The following DDX60L variants were observed in gnomAD, a reference collection of about 807,000 sequenced individuals.
The protein encoded by DDX60L is DExD/H-box 60 like, also known as probable ATP-dependent RNA helicase DDX60-like.
In DDX60L, 191 loss-of-function variants were observed where a neutral mutation model predicts 211.6. The observed-to-expected ratio is 0.90, with a 90% CI of 0.80 to 1.02. The LOEUF is 1.02. Ranked by LOEUF, DDX60L falls within the 50% of genes least tolerant of loss-of-function variation. The pLI is 0.00. For synonymous variants in DDX60L, 706 were observed against 694.1 expected, an observed-to-expected ratio of 1.02 and a Z score of -0.27; for missense variants, 2,007 against 1,984.1, an observed-to-expected ratio of 1.01 and a Z score of -0.22.
chr4:168,395,829 A>G (rs1906756), intron 27 of DDX60L, 130 bp downstream of exon 27: 5 of 683,800 alleles, frequency 7.3e-6, no homozygotes, highest in Non-Finnish European at 1.2e-5. Flanking sequence ...AAAACAAACA[A>G]AATCACACAC....
intron 22 of DDX60L, among the ~76,000 whole-genome samples, chr4:168,410,521 T>A (rs1748499822): frequency 6.6e-6 from 1 of 152,172 alleles, no homozygotes; most frequent in South Asian, 2.1e-4. Flanking sequence ...AAGGACAGGA[T>A]CAGAATTATG....
rs568177610 is a variant in DDX60L, at chr4:168,376,080, C to G, written c.4486-556G>C. 1.2e-3 allele frequency among the ~76,000 whole-genome samples: 180 copies of G among 152,316 alleles called. 1 individual carries two copies. Among genetic ancestry groups the G allele is most frequent in the Admixed American group, 3.4e-3 (52 of 15,300 alleles). ...AGAAGTAGCTGGTATTGCAAGCTAA[C>G]TCAGCTTCCAAATTTCATGTTTAAA... On this transcript the variant is annotated intron_variant, in intron 33 of 37. Coordinates refer to ENST00000682922, the MANE Select transcript of DDX60L (RefSeq NM_001012967.3).
rs780499708 is a variant in DDX60L, at chr4:168,420,319, CCGGCAGGCAA to C, written c.2446_2455del (p.Leu816AlafsTer17). 2 of 1,611,984 alleles carry C rather than the reference CCGGCAGGCAA, an allele frequency of 1.2e-6. No homozygotes were observed. Among genetic ancestry groups the C allele is most frequent in the South Asian group, 2.2e-5 (2 of 90,550 alleles). ...TGTAAAAGCACCGCATAGAGTTCTG[CCGGCAGGCAA>C]CGTTTTAGTAAAACGATTCTCAACA... On this transcript the variant is annotated frameshift_variant, in exon 18 of 38. Transcript: ENST00000682922. LOFTEE classifies it high-confidence loss of function.
chr4:168,468,512 T>C (rs1391952913), intron 4 of DDX60L, among the ~76,000 whole-genome samples: 1 of 152,152 alleles, frequency 6.6e-6, no homozygotes, highest in African/African-American at 2.4e-5. Flanking sequence ...AATGGATATA[T>C]GTAAAATAAC....
intron 29 of DDX60L, among the ~76,000 whole-genome samples, chr4:168,387,192 T>G (rs1744051684): frequency 6.6e-6 from 1 of 152,140 alleles, no homozygotes; most frequent in Non-Finnish European, 1.5e-5. Context: ...TGGTCATGCA[T>G]GCTGTGTTCT....
intron 5 of DDX60L, among the ~76,000 whole-genome samples, chr4:168,460,405 C>A (rs1432359666): frequency 6.6e-6 from 1 of 152,108 alleles, no homozygotes; most frequent in East Asian, 1.9e-4. Context: ...CATTAAGGGT[C>A]CTTCCTCCAT....
In DDX60L at chr4:168,415,515, G is replaced by C; in HGVS notation, c.2872C>G (p.Leu958Val). 1 of 1,560,232 alleles carries C rather than the reference G, an allele frequency of 6.4e-7. No homozygotes were observed. Among genetic ancestry groups the C allele is most frequent in the South Asian group, 1.2e-5 (1 of 86,416 alleles). ...AAATCATTGTATCTCTCTCCACAGA[G>C]CACTAGATACGAAGAGCAAGAATAT... Reference protein sequence around the residue: ...KNQSYEVRLVLCGERYNDLEK... With the variant: ...KNQSYEVRLVVCGERYNDLEK... The change falls in exon 22 of 38, where the codon CTC (leucine) becomes GTC (valine). Residue 958 changes from leucine to valine, a missense_variant and splice_region_variant. Coordinates refer to ENST00000682922, the MANE Select transcript of DDX60L (RefSeq NM_001012967.3).
At chr4:168,420,896 T>C (rs1750497034) in intron 17 of DDX60L, among the ~76,000 whole-genome samples, 1 of 152,170 alleles carries the variant, frequency 6.6e-6, no homozygotes, top group Non-Finnish European at 1.5e-5. Flanking sequence ...AAAGAGCCCA[T>C]GTGGCCTTCT....
At chr4:168,454,436 A>C (rs1756230442) in intron 7 of DDX60L, among the ~76,000 whole-genome samples, 1 of 152,136 alleles carries the variant, frequency 6.6e-6, no homozygotes, top group Non-Finnish European at 1.5e-5. Context: ...AAATTGGGAT[A>C]GTAACAGTAC....
At chr4:168,453,678 CG>C (rs1756121491) in intron 7 of DDX60L, among the ~76,000 whole-genome samples, 1 of 152,064 alleles carries the variant, frequency 6.6e-6, no homozygotes, top group African/African-American at 2.4e-5. Context: ...ATCTGTAAAA[CG>C]TATTGAATGA....
chr4:168,453,886 C>A (rs955901262), intron 7 of DDX60L, among the ~76,000 whole-genome samples: 1 of 152,040 alleles, frequency 6.6e-6, no homozygotes, highest in Non-Finnish European at 1.5e-5. Flanking sequence ...TAAATTAGAA[C>A]CACCAAAAAC....
At chr4:168,440,947 A>T (rs561794392) in intron 10 of DDX60L, among the ~76,000 whole-genome samples, 2 of 152,160 alleles carry the variant, frequency 1.3e-5, no homozygotes, top group Non-Finnish European at 2.9e-5. Flanking sequence ...GAAAGAATAT[A>T]CACTATATGA....
At chr4:168,439,808 A>G (rs1273905885) in intron 10 of DDX60L, among the ~76,000 whole-genome samples, 1 of 152,234 alleles carries the variant, frequency 6.6e-6, no homozygotes, top group African/African-American at 2.4e-5. Context: ...AGGATAAACA[A>G]GGCTCAAGGA....
At chr4:168,396,918 G>A (rs1745903602) in intron 26 of DDX60L, among the ~76,000 whole-genome samples, 1 of 152,138 alleles carries the variant, frequency 6.6e-6, no homozygotes, top group Non-Finnish European at 1.5e-5. Context: ...GAATGTTTGT[G>A]CCCCCTCAAA....
chr4:168,467,861 G>A (rs1000124713), intron 4 of DDX60L, among the ~76,000 whole-genome samples: 6 of 152,052 alleles, frequency 3.9e-5, no homozygotes, highest in African/African-American at 7.2e-5. Flanking sequence ...AAAACCAAAC[G>A]AAGGCATTAT....
intron 22 of DDX60L, among the ~76,000 whole-genome samples, chr4:168,413,329 A>G (rs1749010364): frequency 1.3e-5 from 2 of 152,188 alleles, no homozygotes; most frequent in African/African-American, 4.8e-5. Context: ...CATTAAAAAA[A>G]GAAAACTACA....
chr4:168,425,418 T>C (rs1751302182), intron 14 of DDX60L, among the ~76,000 whole-genome samples: 1 of 152,124 alleles, frequency 6.6e-6, no homozygotes, highest in African/African-American at 2.4e-5. Flanking sequence ...CAAGACAGGG[T>C]GATCAACCAC....
intron 1 of DDX60L, among the ~76,000 whole-genome samples, chr4:168,479,102 CGGATGGTTGGATGGCT>C (rs1352535512): frequency 1.3e-5 from 2 of 149,892 alleles, no homozygotes; most frequent in East Asian, 3.9e-4. Context: ...GATGGATGGA[CGGATGGTTGGATGGCT>C]GGATGATGGA....
chr4:168,393,262 G>A (rs765254922), intron 28 of DDX60L, among the ~76,000 whole-genome samples: 4 of 152,108 alleles, frequency 2.6e-5, no homozygotes, highest in African/African-American at 7.2e-5. Context: ...TCGGGAGGCT[G>A]AGGTGGGCTG....
Sources: allele counts gnomAD v4.1 joint callset (sites outside exome capture counted in the v4.1 genomes callset), GRCh38; gene constraint gnomAD v4.1.1; transcripts MANE v1.5; gene names NCBI Gene and HGNC (gene_info 2026-07-23, HGNC 2026-07-21).